Variants in GALNS observed in about 807,000 individuals in gnomAD.
The protein encoded by GALNS is N-acetylgalactosamine-6-sulfatase.
In GALNS, 65 loss-of-function variants were observed where a neutral mutation model predicts 65.9. The observed-to-expected ratio is 0.99, with a 90% CI of 0.81 to 1.21. GALNS has a LOEUF of 1.21. Among genes scored for constraint, GALNS ranks in the 50% most tolerant of loss-of-function variants. The pLI is 0.00. For missense variants in GALNS, 776 were observed against 700.7 expected, an observed-to-expected ratio of 1.11 and a Z score of -1.21; for synonymous variants, 346 against 288.9, an observed-to-expected ratio of 1.20 and a Z score of -2.00.
chr16:88,835,007 C>T (rs1321653674), intron 8 of GALNS, among the ~76,000 whole-genome samples: 1 of 152,214 alleles, frequency 6.6e-6, no homozygotes, highest in Non-Finnish European at 1.5e-5. Flanking sequence ...TCCCCACCCC[C>T]AAGTTCAAGG....
chr16:88,826,099 G>A (rs954682705), intron 10 of GALNS, among the ~76,000 whole-genome samples: 1 of 151,008 alleles, frequency 6.6e-6, no homozygotes, highest in African/African-American at 2.4e-5. Context: ...GCTACAGGAA[G>A]CCATGAGGCA....
At chr16:88,834,507 G>A (rs557425505) in intron 8 of GALNS, among the ~76,000 whole-genome samples, 8 of 141,144 alleles carry the variant, frequency 5.7e-5, no homozygotes, top group Non-Finnish European at 9.4e-5. Context: ...CCCTCAGCGT[G>A]GTCTGGGAAG....
intron 13 of GALNS, chr16:88,816,273 A>T (rs562226330): frequency 1.0e-6 from 1 of 985,296 alleles, no homozygotes. Flanking sequence ...GCGCCCGTGG[A>T]GCCACTGCAG....
At chr16:88,836,419 G>T in intron 5 of GALNS, 152 bp from the exon 6 acceptor site, 1 of 717,798 alleles carries the variant, frequency 1.4e-6, no homozygotes, top group Non-Finnish European at 2.5e-6. Context: ...ATTTTGGGAG[G>T]CTGAGGAAGG....
intron 1 of GALNS, chr16:88,854,993 G>A (rs1009985628): frequency 3.0e-5 from 10 of 337,496 alleles, no homozygotes; most frequent in South Asian, 1.8e-4. Flanking sequence ...TCCCCCACAT[G>A]TGCCCCGGTG....
chr16:88,838,549 T>A (rs1912382968), intron 4 of GALNS: 1 of 152,510 alleles, frequency 6.6e-6, no homozygotes, highest in African/African-American at 2.4e-5. Flanking sequence ...GCAGACCTTG[T>A]GCTCCCACCC....
chr16:88,835,675 C>G (rs1368193632), intron 7 of GALNS, 50 bp downstream of exon 7: 6 of 1,612,118 alleles, frequency 3.7e-6, no homozygotes, highest in Non-Finnish European at 4.2e-6. Context: ...TGGAGTCAAG[C>G]ACAGCTGGGG....
intron 4 of GALNS, among the ~76,000 whole-genome samples, chr16:88,838,146 A>T (rs544249302): frequency 6.6e-6 from 1 of 152,280 alleles, no homozygotes; most frequent in East Asian, 1.9e-4. Flanking sequence ...TTTGCGGGTC[A>T]TGCCTCGAAC....
rs1341145386 is a variant in GALNS, at chr16:88,834,509, T to A, written c.898+704A>T. ...GGCTGCAGGGCCCCCCTCAGCGTGG[T>A]CTGGGAAGAGGCTGTAGGGCTCTCC... On this transcript the variant is annotated intron_variant, in intron 8 of 13. Transcript: ENST00000268695. Among the ~76,000 whole-genome samples, 9 of 129,226 alleles carry A rather than the reference T, an allele frequency of 7.0e-5. 1 individual carries two copies. Among genetic ancestry groups the A allele is most frequent in the Non-Finnish European group, 1.3e-4 (8 of 61,326 alleles). 84.8% of individuals were successfully genotyped at this position (129,226 alleles called of 152,430 possible).
intron 9 of GALNS, among the ~76,000 whole-genome samples, chr16:88,830,058 C>A (rs567531628): frequency 2.0e-5 from 3 of 152,056 alleles, no homozygotes; most frequent in African/African-American, 7.2e-5. Flanking sequence ...TAGTGAAACT[C>A]CGTCTCTACT....
At chr16:88,853,919 G>C (rs1030624620) in intron 1 of GALNS, among the ~76,000 whole-genome samples, 1 of 152,200 alleles carries the variant, frequency 6.6e-6, no homozygotes, top group Non-Finnish European at 1.5e-5. Flanking sequence ...CGACTCTGGG[G>C]GCAATGGTTC....
intron 1 of GALNS, 198 bp downstream of exon 1, chr16:88,856,560 T>TGCCCCA: frequency 1.8e-6 from 1 of 548,320 alleles, no homozygotes; most frequent in Non-Finnish European, 3.3e-6. Flanking sequence ...CCGAGGGGCC[T>TGCCCCA]CCCCCTCCCC....
At chr16:88,839,919 G>A (rs1480709275) in intron 4 of GALNS, among the ~76,000 whole-genome samples, 1 of 152,236 alleles carries the variant, frequency 6.6e-6, no homozygotes, top group Non-Finnish European at 1.5e-5. Context: ...GTCACTGTGG[G>A]GCTTGTCACT....
chr16:88,856,810 C>T lies in GALNS; in HGVS notation c.68G>A (p.Gly23Glu). ...LLLVLSAAGM[G>E]ASGAPQPPNI... ...GGGGGGCTGCGGGGCGCCCGAGGCC[C>T]CCATCCCCGCGGCGCTGAGCACCAG... Residue 23 changes from glycine to glutamate, a missense_variant, in exon 1 of 14, where the codon GGG becomes GAG. By Grantham distance (98) the Gly-to-Glu change is moderately conservative. Coordinates refer to ENST00000268695, the MANE Select transcript of GALNS (RefSeq NM_000512.5). 1 of 1,538,490 alleles carries T rather than the reference C, an allele frequency of 6.5e-7. No homozygotes were observed. Among genetic ancestry groups the T allele is most frequent in the Non-Finnish European group, 8.7e-7 (1 of 1,152,998 alleles).
intron 9 of GALNS, among the ~76,000 whole-genome samples, chr16:88,829,731 C>T (rs537385287): frequency 6.6e-6 from 1 of 152,388 alleles, no homozygotes; most frequent in East Asian, 1.9e-4. Flanking sequence ...GACTTCCTCT[C>T]TGGCCTCAGT....
At chr16:88,825,154 A>C (rs1281357874) in intron 10 of GALNS, among the ~76,000 whole-genome samples, 84 of 48,514 alleles carry the variant, frequency 1.7e-3, no homozygotes, top group African/African-American at 3.9e-3. Context: ...GGCTGGGGTG[A>C]CTGGGTGTTT....
intron 1 of GALNS, chr16:88,855,593 G>A (rs1355303932): frequency 3.1e-6 from 2 of 652,790 alleles, no homozygotes; most frequent in African/African-American, 1.8e-5. Flanking sequence ...CCCTGGGTGG[G>A]GAAATTATGG....
chr16:88,848,102 G>GT (rs1253451022), intron 1 of GALNS, among the ~76,000 whole-genome samples: 2 of 152,214 alleles, frequency 1.3e-5, no homozygotes, highest in Non-Finnish European at 2.9e-5. Context: ...CCCATGAGCC[G>GT]TAAGATTCCA....
chr16:88,841,394 C>T (rs373036527), intron 3 of GALNS, among the ~76,000 whole-genome samples: 1 of 152,092 alleles, frequency 6.6e-6, no homozygotes, highest in African/African-American at 2.4e-5. Flanking sequence ...CTCAGGCCAG[C>T]CTCCCACCTG....
Sources: allele counts gnomAD v4.1 joint callset (sites outside exome capture counted in the v4.1 genomes callset), GRCh38; gene constraint gnomAD v4.1.1; transcripts MANE v1.5; gene names NCBI Gene and HGNC (gene_info 2026-07-23, HGNC 2026-07-21).